PAN3: variants seen among roughly 807,000 people sequenced by gnomAD.
PAN3 encodes the protein PAN2-PAN3 deadenylation complex subunit PAN3.
In PAN3, 19 loss-of-function variants were observed where a neutral mutation model predicts 96.2. That is an observed-to-expected ratio of 0.20 (90% confidence interval 0.14 to 0.29). The LOEUF is 0.29. Among genes scored for constraint, PAN3 ranks in the 10% least tolerant of loss-of-function variants. PAN3 has a pLI of 1.00. For synonymous variants in PAN3, 433 were observed against 406.6 expected (o/e 1.06, Z -0.78); for missense variants, 882 against 1,108.1 (o/e 0.80, Z 2.90).
intron 1 of PAN3, among the ~76,000 whole-genome samples, chr13:28,159,428 A>G (rs756566944): frequency 2.0e-5 from 3 of 152,138 alleles, no homozygotes; most frequent in Non-Finnish European, 4.4e-5. Context: ...AAAGAAGGGA[A>G]CAATAGACAC....
intron 4 of PAN3, among the ~76,000 whole-genome samples, chr13:28,192,668 T>C (rs763834408): frequency 2.6e-5 from 4 of 152,240 alleles, no homozygotes; most frequent in Non-Finnish European, 5.9e-5. Context: ...TGTTTACATT[T>C]CTGTTACCTC....
At chr13:28,212,698 A>T (rs2138331234) in intron 5 of PAN3, among the ~76,000 whole-genome samples, 1 of 152,322 alleles carries the variant, frequency 6.6e-6, no homozygotes, top group South Asian at 2.1e-4. Flanking sequence ...TAGTGTCTGA[A>T]ATGAATAATA....
rs1187626325 is a variant in PAN3, at chr13:28,260,379, G to A, written c.1249-68G>A. On this transcript the variant is annotated intron_variant, in intron 7 of 18. Transcript: ENST00000380958. Reference sequence around the variant, plus strand: ...ACTGAACTCCAGCCTGGGCAACAGAGCAAGACTCCATCTGAAAAAAAGAAA... The same window carrying A: ...ACTGAACTCCAGCCTGGGCAACAGAACAAGACTCCATCTGAAAAAAAGAAA... 26 of 1,242,498 alleles carry A rather than the reference G, an allele frequency of 2.1e-5. No individual in the cohort carries two copies. In the East Asian group the frequency reaches 3.2e-4, roughly 15 times the overall value. The allele number at this position is 1,242,498 out of a possible 1,614,324, so 77.0% of individuals were successfully genotyped here.
chr13:28,239,598 G>A, intron 6 of PAN3: 1 of 1,289,168 alleles, frequency 7.8e-7, no homozygotes, highest in South Asian at 1.2e-5. Context: ...TACCCTCTGA[G>A]TCAGCACTGG....
intron 4 of PAN3, among the ~76,000 whole-genome samples, chr13:28,190,924 A>G (rs553441363): frequency 8.1e-4 from 124 of 152,364 alleles, no homozygotes; most frequent in Non-Finnish European, 1.5e-3. Context: ...CGTGTGGAGC[A>G]CAAAAGCTGG....
chr13:28,170,640 T>C (rs1169909069), intron 1 of PAN3, among the ~76,000 whole-genome samples: 1 of 152,210 alleles, frequency 6.6e-6, no homozygotes, highest in Admixed American at 6.5e-5. Flanking sequence ...GTAACCATTC[T>C]ATTTTATTAG....
At chr13:28,248,589 A>G (rs923721536) in intron 6 of PAN3, among the ~76,000 whole-genome samples, 9 of 151,964 alleles carry the variant, frequency 5.9e-5, no homozygotes, top group Admixed American at 3.3e-4. Flanking sequence ...CAGTGGTGCA[A>G]TGTTGGCTCA....
At chr13:28,245,712 T>G (rs1056405873) in intron 6 of PAN3, among the ~76,000 whole-genome samples, 1 of 151,826 alleles carries the variant, frequency 6.6e-6, no homozygotes, top group Non-Finnish European at 1.5e-5. Context: ...ACCACTAATC[T>G]ATTTTCTGAC....
rs1259604085 is a variant in PAN3 at position 28,193,815 on chromosome 13, T to C, written c.691-3370T>C. Among the ~76,000 whole-genome samples, 3 of 151,356 alleles carry C rather than the reference T, an allele frequency of 2.0e-5. No individual in the cohort carries two copies. In the East Asian group the frequency reaches 5.8e-4, roughly 29 times the overall value. On this transcript the variant is annotated intron_variant, in intron 4 of 18. Coordinates refer to ENST00000380958, the MANE Select transcript of PAN3 (RefSeq NM_175854.8). ...CCTTTTTTTTCAATGTTGTTTACTGTACTACTACATAGAAAGTGAATTGTA... is the reference window on the plus strand; with the variant it reads ...CCTTTTTTTTCAATGTTGTTTACTGCACTACTACATAGAAAGTGAATTGTA...
chr13:28,291,145 AT>A (rs1869698527), intron 18 of PAN3, among the ~76,000 whole-genome samples: 1 of 152,148 alleles, frequency 6.6e-6, no homozygotes. Context: ...CAAAATTAAG[AT>A]TTTATATAAG....
chr13:28,215,291 T>C, intron 5 of PAN3: 2 of 716,942 alleles, frequency 2.8e-6, no homozygotes, highest in Admixed American at 3.8e-5. Flanking sequence ...TTGGTGGTAT[T>C]GGTACTGTGT....
intron 1 of PAN3, among the ~76,000 whole-genome samples, chr13:28,164,162 CAGTT>C (rs1183270506): frequency 1.3e-5 from 2 of 152,116 alleles, no homozygotes; most frequent in Admixed American, 1.3e-4. Context: ...AAGTACAATT[CAGTT>C]ATTTTTAATA....
At chr13:28,204,017 G>A (rs1406551738) in intron 5 of PAN3, among the ~76,000 whole-genome samples, 1 of 151,854 alleles carries the variant, frequency 6.6e-6, no homozygotes, top group African/African-American at 2.4e-5. Flanking sequence ...TGGCCAGGAT[G>A]GTCTTGATCT....
chr13:28,282,622 A>G (rs142025818), intron 17 of PAN3, among the ~76,000 whole-genome samples: 1 of 152,282 alleles, frequency 6.6e-6, no homozygotes, highest in East Asian at 1.9e-4. Flanking sequence ...TGCACACATG[A>G]GTTGAATCTG....
chr13:28,146,255 G>T (rs1401733040), intron 1 of PAN3, among the ~76,000 whole-genome samples: 1 of 150,516 alleles, frequency 6.6e-6, no homozygotes, highest in Non-Finnish European at 1.5e-5. Flanking sequence ...TAAAATATAT[G>T]TATACCATAT....
intron 5 of PAN3, chr13:28,215,954 AGGACT>A (rs1373223736): frequency 2.0e-6 from 2 of 994,510 alleles, no homozygotes; most frequent in African/African-American, 3.2e-5. Context: ...GAATGGTCTC[AGGACT>A]GTTAGTTTCA....
At chr13:28,167,082 AT>A (rs1158467405) in intron 1 of PAN3, among the ~76,000 whole-genome samples, 157 of 118,354 alleles carry the variant, frequency 1.3e-3, no homozygotes, top group Middle Eastern at 8.5e-3. Flanking sequence ...TTTTATCTTA[AT>A]TTTTTTTTTT....
chr13:28,269,518 T>C (rs1886438178), intron 12 of PAN3, among the ~76,000 whole-genome samples: 1 of 151,604 alleles, frequency 6.6e-6, no homozygotes, highest in South Asian at 2.1e-4. Context: ...ATGAGAAGAA[T>C]AGCATACCAT....
At chr13:28,142,403 A>G (rs1396382935) in intron 1 of PAN3, among the ~76,000 whole-genome samples, 1 of 152,002 alleles carries the variant, frequency 6.6e-6, no homozygotes, top group East Asian at 1.9e-4. Context: ...CCTGGGCTCT[A>G]GCAATCTCCT....
Sources: allele counts gnomAD v4.1 joint callset (sites outside exome capture counted in the v4.1 genomes callset), GRCh38; gene constraint gnomAD v4.1.1; transcripts MANE v1.5; gene names NCBI Gene and HGNC (gene_info 2026-07-23, HGNC 2026-07-21).